The following CHD4 variants were observed in gnomAD, a reference collection of about 807,000 sequenced individuals.
CHD4 encodes the protein ATP-dependent chromatin remodeler CHD4.
In CHD4, 35 loss-of-function variants were observed where a neutral mutation model predicts 235.5. That is an observed-to-expected ratio of 0.15 (90% CI 0.11 to 0.20). The LOEUF (loss-of-function observed/expected upper bound fraction) is 0.20, where lower values mean the gene tolerates loss of function less well. Ranked by LOEUF, CHD4 falls within the 10% of genes least tolerant of loss-of-function variation. The pLI is 1.00. For synonymous variants in CHD4, 900 were observed against 850.2 expected (o/e 1.06, Z -1.02); for missense variants, 1,329 against 2,432.3 (o/e 0.55, Z 9.54).
In CHD4 at chr12:6,570,240, G is replaced by C. The variant is rs1947937294; in HGVS notation, c.*436C>G. ...TCCTGGTATTAAAAAGATGCCAACA[G>C]AGGTAGCTGTGTCTCGCCCAGGGGC... On this transcript the variant is annotated 3_prime_UTR_variant, in exon 40 of 40. Coordinates refer to ENST00000544040, the MANE Select transcript of CHD4 (RefSeq NM_001273.5). 5.9e-6 allele frequency: 1 copy of C among 168,758 alleles called. No homozygotes were observed. The highest frequency in any genetic ancestry group is 1.3e-5 in the Non-Finnish European group (1 of 79,694). The allele number at this position is 168,758 out of a possible 1,614,324, so 10.5% of individuals were successfully genotyped here.
intron 27 of CHD4, 21 bp from the exon 28 acceptor site, chr12:6,582,957 A>G (rs956395997): frequency 1.9e-6 from 3 of 1,612,762 alleles, no homozygotes; most frequent in African/African-American, 2.7e-5. Context: ...AAAAAGATGA[A>G]TGAGTGACAC....
At chr12:6,599,186 C>A (rs1311567836) in intron 10 of CHD4, among the ~76,000 whole-genome samples, 1 of 152,162 alleles carries the variant, frequency 6.6e-6, no homozygotes, top group East Asian at 1.9e-4. Context: ...AATGCCAGCA[C>A]TTAATGAGGA....
At chr12:6,577,299 GT>G (rs1948087475) in intron 37 of CHD4, among the ~76,000 whole-genome samples, 1 of 151,806 alleles carries the variant, frequency 6.6e-6, no homozygotes, top group African/African-American at 2.4e-5. Context: ...GCAGGCGCCT[GT>G]AATCTCAGCT....
chr12:6,585,132 A>T (rs1948259429), intron 25 of CHD4, among the ~76,000 whole-genome samples: 1 of 152,220 alleles, frequency 6.6e-6, no homozygotes, highest in South Asian at 2.1e-4. Context: ...TACAGAGGAC[A>T]AGAAAAAGGA....
intron 25 of CHD4, among the ~76,000 whole-genome samples, chr12:6,584,992 C>T (rs976870384): frequency 6.6e-6 from 1 of 152,046 alleles, no homozygotes; most frequent in Non-Finnish European, 1.5e-5. Flanking sequence ...GCATTACCTT[C>T]GAGAACAAAA....
chr12:6,571,859 G>C (rs1407940607), intron 38 of CHD4: 3 of 152,334 alleles, frequency 2.0e-5, no homozygotes, highest in Admixed American at 1.3e-4. Context: ...AACTTGGGAA[G>C]CTGAGGCAGG....
chr12:6,581,530 T>C (rs1948188692), intron 31 of CHD4, 119 bp downstream of exon 31: 1 of 1,545,318 alleles, frequency 6.5e-7, no homozygotes. Flanking sequence ...CCTCCTAAAC[T>C]GAGAGGGAAT....
rs1195830700 is a variant in CHD4 at position 6,587,571 on chromosome 12, C to A, written c.3704-12G>T. 1.2e-6 allele frequency: 2 copies of A among 1,613,234 alleles called. No homozygotes were observed. The highest frequency in any genetic ancestry group is 2.7e-5 in the African/African-American group (2 of 74,860). On this transcript the variant is annotated splice_polypyrimidine_tract_variant and intron_variant, in intron 24 of 39. Transcript: ENST00000544040. ...TTTGTTGTCTCCTCCTATAAAAAAT[C>A]AAGGGCCCACATCCCCAAAGTCAGT... is the stretch of plus-strand genomic sequence containing the variant.
In CHD4 at chr12:6,600,977, A is replaced by G; in HGVS notation, c.876T>C (p.Ala292=). 6.2e-7 allele frequency: 1 copy of G among 1,608,230 alleles called. No individual in the cohort carries two copies. Among genetic ancestry groups the G allele is most frequent in the Non-Finnish European group, 8.5e-7 (1 of 1,178,022 alleles). The change falls in exon 7 of 40, where the codon GCT becomes GCC. Residue 292 remains alanine, a synonymous_variant. Coordinates refer to ENST00000544040, the MANE Select transcript of CHD4 (RefSeq NM_001273.5). ...DAKKPKPKKV[A]PLKIKLGGFG... ...AACCTCCCAGCTTGATTTTCAGGGG[A>G]GCTACTTTCTTGGGTTTAGGCTTCT...
At chr12:6,601,573 T>TA in intron 5 of CHD4, 43 bp from the exon 6 acceptor site, 2 of 1,612,344 alleles carry the variant, frequency 1.2e-6, no homozygotes, top group South Asian at 1.1e-5. Context: ...GGTTTAAGAA[T>TA]AAAAAAAGAA....
At chr12:6,604,989 G>A (rs1210386259) in intron 2 of CHD4, among the ~76,000 whole-genome samples, 1 of 152,104 alleles carries the variant, frequency 6.6e-6, no homozygotes, top group Admixed American at 6.6e-5. Flanking sequence ...TTGGGCAAGG[G>A]CATGGAAATC....
chr12:6,595,028 C>G (rs1948462306), intron 14 of CHD4, among the ~76,000 whole-genome samples: 1 of 152,148 alleles, frequency 6.6e-6, no homozygotes, highest in African/African-American at 2.4e-5. Context: ...GGAACTGAGC[C>G]TGAATTAAGC....
Position 6,578,133 on chromosome 12 carries a change from C to T in CHD4, c.5124G>A (p.Leu1708=). 6.2e-7 allele frequency: 1 copy of T among 1,611,768 alleles called. No homozygotes were observed. ...GCTCTTCATTCTGCCAAAGGGAGTG[C>T]AACTCTGAGGAGGAATTTAGGGAAG... is the stretch of plus-strand genomic sequence containing the variant. ...FNIADGGFTE[L]HSLWQNEERA... is the part of the protein sequence containing the mutation. The change falls in exon 36 of 40, where the codon TTG becomes TTA. Residue 1708 remains leucine (L), a synonymous_variant. Coordinates refer to ENST00000544040, the MANE Select transcript of CHD4 (RefSeq NM_001273.5).
At chr12:6,590,668 T>G (rs149049733) in intron 22 of CHD4, among the ~76,000 whole-genome samples, 1 of 152,142 alleles carries the variant, frequency 6.6e-6, no homozygotes, top group East Asian at 1.9e-4. Flanking sequence ...AAAAATTTTT[T>G]TAGTTAGCTA....
At chr12:6,596,821 G>A (rs901339521) in intron 12 of CHD4, among the ~76,000 whole-genome samples, 21 of 150,806 alleles carry the variant, frequency 1.4e-4, no homozygotes, top group East Asian at 9.9e-4. Context: ...TTAGGCAGGC[G>A]TGGTGGCACA....
Position 6,592,095 on chromosome 12 carries a change from A to G in CHD4, c.2949-38T>C. 3 of 1,612,328 alleles carry G rather than the reference A, an allele frequency of 1.9e-6. No homozygotes were observed. In the South Asian group the frequency reaches 3.3e-5, roughly 18 times the overall value. ...GGTAGAAAGACAGGTTAGACTTGAG[A>G]GCCTTTCAATGACTAATAATGCAGT... On this transcript the variant is annotated intron_variant, in intron 19 of 39. Coordinates refer to ENST00000544040, the MANE Select transcript of CHD4 (RefSeq NM_001273.5).
At chr12:6,578,583 CA>C in intron 34 of CHD4, 37 bp from the exon 35 acceptor site, 2 of 1,606,202 alleles carry the variant, frequency 1.2e-6, no homozygotes. Context: ...CAGCTCCAGC[CA>C]AAGCCCAGCA....
At chr12:6,607,056 G>A (rs1375830994) in intron 1 of CHD4, 2 of 151,516 alleles carry the variant, frequency 1.3e-5, no homozygotes, top group African/African-American at 4.9e-5. Flanking sequence ...GTGGGCGCCG[G>A]GCATTGTGGG....
Position 6,583,354 on chromosome 12 carries a change from T to C in CHD4, c.3904A>G (p.Ile1302Val), listed in dbSNP as rs760904570. ...MGEEEEVERE[I>V]IKQEESVDPD... ...TCCACACTTTCTTCCTGTTTAATGA[T>C]TTCCCGTTCTACCTCCTCTTCCTCC... is the stretch of plus-strand genomic sequence containing the variant. The change falls in exon 26 of 40, where the codon ATC becomes GTC. Residue 1302 changes from isoleucine to valine, a missense_variant. Transcript: ENST00000544040. The C allele has an allele frequency of 3.1e-6, 5 of 1,612,820 alleles. No homozygotes were observed. Among genetic ancestry groups the C allele is most frequent in the East Asian group, 2.2e-5 (1 of 44,864 alleles).
Sources: gnomAD v4.1 joint callset for allele counts (sites outside exome capture counted in the v4.1 genomes callset) on GRCh38, gnomAD v4.1.1 for gene constraint, MANE v1.5 for transcripts, NCBI Gene and HGNC (gene_info 2026-07-23, HGNC 2026-07-21) for gene names.